GRIN2D: variants seen among roughly 807,000 people sequenced by gnomAD.
GRIN2D encodes glutamate receptor ionotropic, NMDA 2D.
In GRIN2D, 37 loss-of-function variants were observed where a neutral mutation model predicts 103.2. The ratio of observed to expected loss-of-function variants is 0.36; its 90% CI spans 0.28 to 0.47. GRIN2D has a LOEUF of 0.47. GRIN2D is among the 20% of genes least tolerant of loss of function. The pLI is 1.00. For synonymous variants in GRIN2D, 845 were observed against 885.6 expected (o/e 0.95, Z 0.81); for missense variants, 1,557 against 1,910.6 (o/e 0.81, Z 3.45).
intron 4 of GRIN2D, among the ~76,000 whole-genome samples, chr19:48,408,768 C>T (rs991878271): frequency 2.7e-5 from 4 of 150,182 alleles, no homozygotes; most frequent in South Asian, 2.1e-4. Context: ...TGCAGTGAGC[C>T]GAGACCATAC....
chr19:48,407,413 A>G (rs950655528), intron 4 of GRIN2D, among the ~76,000 whole-genome samples: 2 of 151,960 alleles, frequency 1.3e-5, no homozygotes, highest in East Asian at 1.9e-4. Flanking sequence ...CTTCTCCCTC[A>G]TAACTTCAGC....
At chr19:48,419,452 T>C (rs1161661133) in intron 9 of GRIN2D, 93 bp downstream of exon 9, 1 of 1,468,496 alleles carries the variant, frequency 6.8e-7, no homozygotes, top group African/African-American at 1.4e-5. Flanking sequence ...GGGGGGGCGG[T>C]CAAGCTAGGG....
At chr19:48,407,576 A>G (rs567733675) in intron 4 of GRIN2D, among the ~76,000 whole-genome samples, 8 of 152,178 alleles carry the variant, frequency 5.3e-5, no homozygotes, top group Non-Finnish European at 1.2e-4. Flanking sequence ...AAGGTATCTG[A>G]GCTGTGACCT....
intron 11 of GRIN2D, among the ~76,000 whole-genome samples, chr19:48,430,602 A>G (rs1366498290): frequency 6.6e-6 from 1 of 152,158 alleles, no homozygotes; most frequent in African/African-American, 2.4e-5. Context: ...GGTGTGAGCC[A>G]CCATGCCTGG....
At position 48,442,453 on chromosome 19, in the gene GRIN2D, AC is replaced by A; in HGVS notation, c.2673+72del. On this transcript the variant is annotated intron_variant, in intron 13 of 13. Coordinates refer to ENST00000263269, the MANE Select transcript of GRIN2D (RefSeq NM_000836.4). This position sits in a 1 kb window ranked among gnomAD's most constrained non-coding sequence, Gnocchi z 7.2. ...GGGACAAAGGTAAAGCCGAGCAGAG[AC>A]AAGGAGATGTGGGTCGAGATGTGGA... 6.4e-7 allele frequency: 1 copy of A among 1,553,230 alleles called. No homozygotes were observed. Among genetic ancestry groups the A allele is most frequent in the South Asian group, 1.1e-5 (1 of 88,104 alleles).
intron 11 of GRIN2D, among the ~76,000 whole-genome samples, chr19:48,435,947 A>G (rs1208748887): frequency 2.0e-5 from 3 of 152,252 alleles, no homozygotes; most frequent in African/African-American, 7.2e-5. Context: ...AAAATAGGGC[A>G]GGGTGAATGC....
chr19:48,443,476 G>A lies in GRIN2D; in HGVS notation c.3550G>A (p.Ala1184Thr), dbSNP rs991947073. ...GGCCGCCTGGCACTGTCGGCACTGCGCCAGCCTGGAGCTGCTGCCGCCGCC... is the reference window on the plus strand; with the variant it reads ...GGCCGCCTGGCACTGTCGGCACTGCACCAGCCTGGAGCTGCTGCCGCCGCC... ...GPAAWHCRHC[A>T]SLELLPPPRH... The change falls in exon 14 of 14, where the codon GCC (alanine) becomes ACC (threonine). Residue 1184 changes from alanine to threonine, a missense_variant. By Grantham distance (58) the Ala-to-Thr change is moderately conservative (BLOSUM62 0). Transcript: ENST00000263269. This position sits in a 1 kb window ranked among gnomAD's most constrained non-coding sequence, Gnocchi z 8.9. 1.3e-5 allele frequency: 18 copies of A among 1,377,638 alleles called. No homozygotes were observed. In the East Asian group the frequency reaches 2.5e-4, roughly 19 times the overall value. 85.3% of individuals were successfully genotyped at this position (1,377,638 alleles called of 1,614,324 possible). A position where few individuals can be genotyped will look rare whatever the true frequency, so the allele number is the denominator to read the frequency against.
intron 11 of GRIN2D, among the ~76,000 whole-genome samples, chr19:48,425,202 G>A (rs2147460889): frequency 7.2e-6 from 1 of 139,256 alleles, no homozygotes; most frequent in Admixed American, 7.2e-5. Context: ...TGCAGTGGGA[G>A]AGCAAGAATT....
intron 11 of GRIN2D, among the ~76,000 whole-genome samples, chr19:48,436,139 C>T (rs923328256): frequency 6.6e-6 from 1 of 152,184 alleles, no homozygotes; most frequent in African/African-American, 2.4e-5. Context: ...GTCATTCACG[C>T]AGAGCCGGCT....
Position 48,443,440 on chromosome 19 carries a change from C to T in GRIN2D, c.3514C>T (p.Arg1172Cys). 7.2e-7 allele frequency: 1 copy of T among 1,384,518 alleles called. No homozygotes were observed. The highest frequency in any genetic ancestry group is 9.3e-7 in the Non-Finnish European group (1 of 1,074,020). 85.8% of individuals were successfully genotyped at this position (1,384,518 alleles called of 1,614,324 possible). ...RAGSWDYLPP[R>C]SGPAAWHCRH... The stretch of plus-strand genomic sequence containing the variant: ...CGGGAGCTGGGACTACCTGCCCCCG[C>T]GCAGCGGTCCGGCCGCCTGGCACTG... The change falls in exon 14 of 14, where the codon CGC becomes TGC. Residue 1172 changes from arginine to cysteine, a missense_variant. Around this residue, in one of 7 missense-constraint regions of GRIN2D, gnomAD observed 632 missense variants for 572.8 expected, o/e 1.10. Coordinates refer to ENST00000263269, the MANE Select transcript of GRIN2D (RefSeq NM_000836.4). The surrounding 1 kb of genome is among the most constrained non-coding windows in gnomAD (Gnocchi z 8.9).
At position 48,405,748 on chromosome 19, in the gene GRIN2D, C is replaced by CA. The variant is rs1292593294; in HGVS notation, c.1085+401dup. ...TAGACTATAAACTGAGCTTCAGTAG[C>CA]AAAAAAGACCCAACAATCCAGTGGC... On this transcript the variant is annotated intron_variant, in intron 4 of 13. Coordinates refer to ENST00000263269, the MANE Select transcript of GRIN2D (RefSeq NM_000836.4). The surrounding 1 kb of genome is among the most constrained non-coding windows in gnomAD (Gnocchi z 5.1). Among the ~76,000 whole-genome samples, 3 of 152,110 alleles carry CA rather than the reference C, an allele frequency of 2.0e-5. No individual in the cohort carries two copies. Among genetic ancestry groups the CA allele is most frequent in the Non-Finnish European group, 4.4e-5 (3 of 68,008 alleles).
chr19:48,409,274 C>CTTT (rs67673123), intron 4 of GRIN2D, among the ~76,000 whole-genome samples: 107 of 103,692 alleles, frequency 1.0e-3, no homozygotes, highest in African/African-American at 1.7e-3. Flanking sequence ...AATTAAATTT[C>CTTT]TTTTTTTTTT....
chr19:48,419,907 G>A (rs1299719999), intron 10 of GRIN2D, 93 bp downstream of exon 10: 1 of 293,188 alleles, frequency 3.4e-6, no homozygotes, highest in African/African-American at 2.3e-5. Context: ...TTCTTGCGGG[G>A]GGCGGGGGTG....
rs2147475461 is a variant in GRIN2D at position 48,442,268 on chromosome 19, G to C, written c.2559G>C (p.Leu853=). 4 of 1,614,132 alleles carry C rather than the reference G, an allele frequency of 2.5e-6. No individual in the cohort carries two copies. The highest frequency in any genetic ancestry group is 3.4e-6 in the Non-Finnish European group (4 of 1,180,026). The stretch of plus-strand genomic sequence containing the variant: ...TGGCGGGCGTCTTCTACATGCTCCT[G>C]GTGGCCATGGGCCTGTCCCTGCTGG... ...DNMAGVFYML[L]VAMGLSLLVF... Residue 853 remains leucine, a synonymous_variant, in exon 13 of 14, where the codon CTG becomes CTC. Coordinates refer to ENST00000263269, the MANE Select transcript of GRIN2D (RefSeq NM_000836.4). The surrounding 1 kb of genome is among the most constrained non-coding windows in gnomAD (Gnocchi z 7.2).
At chr19:48,419,394 A>G in intron 9 of GRIN2D, 35 bp downstream of exon 9, 3 of 1,580,268 alleles carry the variant, frequency 1.9e-6, no homozygotes, top group Non-Finnish European at 2.6e-6. Flanking sequence ...CGCCTCGGAG[A>G]TCCCGAACCA....
chr19:48,399,288 G>C (rs1293977611), intron 3 of GRIN2D, among the ~76,000 whole-genome samples: 1 of 152,210 alleles, frequency 6.6e-6, no homozygotes, highest in Admixed American at 6.5e-5. Context: ...GAATGGGCCT[G>C]GGCGCGGTGG....
At position 48,419,369 on chromosome 19, in the gene GRIN2D, C is replaced by G; in HGVS notation, c.1861+10C>G. 1 of 1,594,004 alleles carries G rather than the reference C, an allele frequency of 6.3e-7. No homozygotes were observed. Among genetic ancestry groups the G allele is most frequent in the Non-Finnish European group, 8.5e-7 (1 of 1,175,586 alleles). On this transcript the variant is annotated intron_variant, in intron 9 of 13. Coordinates refer to ENST00000263269, the MANE Select transcript of GRIN2D (RefSeq NM_000836.4). ...CTGGCCACGGGCAAGCGTGAGTCCC[C>G]CTTCCTCCATCCCCCGCCTCGGAGA...
In GRIN2D at chr19:48,405,431, T is replaced by C; in HGVS notation, c.1085+78T>C. The C allele has an allele frequency of 7.4e-7, 1 of 1,348,544 alleles. No homozygotes were observed. Among genetic ancestry groups the C allele is most frequent in the South Asian group, 1.5e-5 (1 of 65,978 alleles). The allele number at this position is 1,348,544 out of a possible 1,614,324, so 83.5% of individuals were successfully genotyped here. On this transcript the variant is annotated intron_variant, in intron 4 of 13. Transcript: ENST00000263269. This position sits in a 1 kb window ranked among gnomAD's most constrained non-coding sequence, Gnocchi z 5.1. ...CCTCAGTATTCACTGAATGAGTGGC[T>C]CAAATGGGCCACATCTGCTCTTTGA... is the stretch of plus-strand genomic sequence containing the variant.
Position 48,443,931 on chromosome 19 carries a change from G to C in GRIN2D, c.4005G>C (p.Glu1335Asp), listed in dbSNP as rs1309679887. The C allele has an allele frequency of 7.8e-6, 11 of 1,415,270 alleles. No homozygotes were observed. Among genetic ancestry groups the C allele is most frequent in the Non-Finnish European group, 1.0e-5 (11 of 1,084,922 alleles). 87.7% of individuals were successfully genotyped at this position (1,415,270 alleles called of 1,614,324 possible). The change falls in exon 14 of 14, where the codon GAG becomes GAC. Residue 1335 changes from glutamate (E) to aspartate (D), a missense_variant. Transcript: ENST00000263269. This position sits in a 1 kb window ranked among gnomAD's most constrained non-coding sequence, Gnocchi z 8.9. ...CGCACTTCTCTAGCCTCGAGTCCGA[G>C]GTATGACGCGGCCCCGGGGGCCCCA... ...GSAHFSSLESEV is the reference protein window; with the variant it reads ...GSAHFSSLESDV
Sources: allele counts gnomAD v4.1 joint callset (sites outside exome capture counted in the v4.1 genomes callset), GRCh38; gene constraint gnomAD v4.1.1; regional missense constraint gnomAD v4.1.1; non-coding constraint Gnocchi (gnomAD v3.1); transcripts MANE v1.5; gene names NCBI Gene and HGNC (gene_info 2026-07-23, HGNC 2026-07-21).